HM13: variants seen among roughly 807,000 people sequenced by gnomAD.
The protein encoded by HM13 is signal peptide peptidase.
Under a neutral mutation model 50.0 loss-of-function variants are expected in HM13, and 18 were observed. That is an observed-to-expected ratio of 0.36 (90% CI 0.25 to 0.53). The LOEUF (loss-of-function observed/expected upper bound fraction) is 0.53, where lower values mean the gene tolerates loss of function less well. Ranked by LOEUF, HM13 falls within the 20% of genes least tolerant of loss-of-function variation. HM13 has a pLI of 0.90. For missense variants in HM13, 393 were observed against 552.4 expected, an observed-to-expected ratio of 0.71 and a Z score of 2.89; for synonymous variants, 197 against 232.6, an observed-to-expected ratio of 0.85 and a Z score of 1.39.
intron 3 of HM13, chr20:31,539,473 C>G (rs1480790446): frequency 1.0e-6 from 1 of 985,352 alleles, no homozygotes; most frequent in Non-Finnish European, 1.2e-6. Context: ...ACATTGAGGG[C>G]ATGGGCAGAA....
At chr20:31,556,095 G>T (rs371962933) in intron 8 of HM13, among the ~76,000 whole-genome samples, 70 of 149,366 alleles carry the variant, frequency 4.7e-4, no homozygotes, top group African/African-American at 1.7e-3. Context: ...GCAATAACGC[G>T]ATCTCGGCTC....
In HM13 at chr20:31,515,605, G is replaced by T. The variant is rs548551744; in HGVS notation, c.183+871G>T. 9.9e-5 allele frequency among the ~76,000 whole-genome samples: 15 copies of T among 151,830 alleles called. No homozygotes were observed. In the South Asian group the frequency reaches 3.1e-3, roughly 32 times the overall value. ...CCCACCAAACTGGGCCTGTCTGCTG[G>T]GCCACTGTTGGCCCCTCTTGTGAGA... On this transcript the variant is annotated intron_variant, in intron 1 of 12. Coordinates refer to ENST00000398174, the MANE Select transcript of HM13 (RefSeq NM_178581.3).
intron 7 of HM13, 60 bp downstream of exon 7, chr20:31,550,181 A>G (rs1334732121): frequency 3.1e-6 from 4 of 1,273,918 alleles, no homozygotes; most frequent in Non-Finnish European, 4.6e-6. Context: ...CCATGCCCCC[A>G]CAGCCCGTTT....
intron 4 of HM13, among the ~76,000 whole-genome samples, chr20:31,546,677 C>T (rs1983739240): frequency 6.6e-6 from 1 of 151,658 alleles, no homozygotes; most frequent in African/African-American, 2.4e-5. Flanking sequence ...TCGCTTTAAC[C>T]TGGGAAGGCG....
chr20:31,567,855 G>A (rs1985011264), intron 11 of HM13: 1 of 531,452 alleles, frequency 1.9e-6, no homozygotes, highest in South Asian at 2.8e-5. Context: ...TCTAGAGCAT[G>A]CTTGTTCTTC....
In HM13 at chr20:31,565,501, G is replaced by T. The variant is rs1275161139; in HGVS notation, c.949-709G>T. Among the ~76,000 whole-genome samples, 3 of 123,272 alleles carry T rather than the reference G, an allele frequency of 2.4e-5. 1 individual carries two copies. In the South Asian group the frequency reaches 6.8e-4, roughly 28 times the overall value. The allele number at this position is 123,272 out of a possible 152,430, so 80.9% of individuals were successfully genotyped here. ...TGTCTCAAAAAAAAAAAAAAAAAAA[G>T]ATTTGGGTCTCTGAGTCCTGGGCTA... On this transcript the variant is annotated intron_variant, in intron 10 of 12. Transcript: ENST00000398174.
Position 31,552,558 on chromosome 20 carries a change from G to A in HM13, c.725-2188G>A, listed in dbSNP as rs112497610. On this transcript the variant is annotated intron_variant, in intron 7 of 12. Transcript: ENST00000398174. ...GAAGACCCACTGCCTTCTACTGCTA[G>A]GACTAGTGCTCAGTGGCAGAAAGGC... Among the ~76,000 whole-genome samples, 386 of 152,282 alleles carry A rather than the reference G, an allele frequency of 2.5e-3. 2 individuals are homozygous for A. The highest frequency in any genetic ancestry group is 9.0e-3 in the African/African-American group (373 of 41,552).
chr20:31,538,715 C>A, intron 3 of HM13: 1 of 899,020 alleles, frequency 1.1e-6, no homozygotes, highest in Non-Finnish European at 1.4e-6. Flanking sequence ...TACTTTGAGT[C>A]CAGACTCTGC....
At chr20:31,567,928 A>G (rs1291462529) in intron 11 of HM13, 150 bp from the exon 12 acceptor site, 8 of 673,154 alleles carry the variant, frequency 1.2e-5, no homozygotes, top group African/African-American at 1.8e-5. Flanking sequence ...TCCAAATAAT[A>G]TCAGCTTCTT....
intron 1 of HM13, among the ~76,000 whole-genome samples, chr20:31,517,747 C>T (rs1489923006): frequency 2.6e-5 from 4 of 151,790 alleles, no homozygotes; most frequent in Non-Finnish European, 4.4e-5. Context: ...TCAGGAAGCC[C>T]GTGGCCTTTC....
chr20:31,534,211 C>CA (rs1211744064), intron 2 of HM13, among the ~76,000 whole-genome samples: 2 of 152,126 alleles, frequency 1.3e-5, no homozygotes, highest in Non-Finnish European at 2.9e-5. Flanking sequence ...CACTCGCACA[C>CA]AGCCACAGAA....
chr20:31,517,939 G>T (rs772854207), intron 1 of HM13, among the ~76,000 whole-genome samples: 2 of 151,610 alleles, frequency 1.3e-5, no homozygotes, highest in Non-Finnish European at 2.9e-5. Flanking sequence ...AGTTTTTTCT[G>T]TGTTTACACA....
At chr20:31,523,911 A>C (rs1341586730) in intron 1 of HM13, among the ~76,000 whole-genome samples, 1 of 152,160 alleles carries the variant, frequency 6.6e-6, no homozygotes, top group Non-Finnish European at 1.5e-5. Flanking sequence ...GTGGCTCCAG[A>C]GGGGAGGGTC....
intron 8 of HM13, among the ~76,000 whole-genome samples, chr20:31,556,007 C>CAT (rs891833139): frequency 2.2e-4 from 33 of 149,378 alleles, no homozygotes; most frequent in Non-Finnish European, 3.0e-4. Context: ...ATTGTGAGAC[C>CAT]ATATATATAT....
rs1984903913 is a variant in HM13, at chr20:31,566,273, G to A, written c.1012G>A (p.Gly338Arg). 2 of 1,614,050 alleles carry A rather than the reference G, an allele frequency of 1.2e-6. No homozygotes were observed. Among genetic ancestry groups the A allele is most frequent in the African/African-American group, 1.3e-5 (1 of 75,018 alleles). The stretch of plus-strand genomic sequence containing the variant: ...TCCTGTCCTGGTGGCGCTGGCCAAG[G>A]GAGAAGTGACAGAGATGTTCAGGTA... Reference protein sequence around the residue: ...GFPVLVALAKGEVTEMFSYES... With the variant: ...GFPVLVALAKREVTEMFSYES... The change falls in exon 11 of 13, where the codon GGA (glycine) becomes AGA (arginine). Residue 338 changes from glycine (G) to arginine (R), a missense_variant. By Grantham distance (125) the Gly-to-Arg change is moderately radical. Transcript: ENST00000398174.
chr20:31,547,517 T>C (rs1428525629), intron 4 of HM13: 3 of 755,566 alleles, frequency 4.0e-6, no homozygotes, highest in South Asian at 1.6e-5. Flanking sequence ...TTCAAGAAGT[T>C]TGATGAAAAG....
intron 11 of HM13, chr20:31,567,826 C>G (rs185372666): frequency 6.9e-5 from 31 of 448,954 alleles, no homozygotes; most frequent in African/African-American, 6.0e-4. Flanking sequence ...AGAGGTGTTT[C>G]CACAGCAGCA....
At chr20:31,553,596 C>T (rs6141491) in intron 7 of HM13, among the ~76,000 whole-genome samples, 1 of 152,036 alleles carries the variant, frequency 6.6e-6, no homozygotes, top group Non-Finnish European at 1.5e-5. Flanking sequence ...GGATTCAGAC[C>T]TACAGACCCA....
rs185159820 is a variant in HM13 at position 31,526,409 on chromosome 20, G to A, written c.184-1075G>A. Among the ~76,000 whole-genome samples, 745 of 151,976 alleles carry A rather than the reference G, an allele frequency of 4.9e-3. 7 individuals carry two copies. The highest frequency in any genetic ancestry group is 0.017 in the African/African-American group (706 of 41,458). On this transcript the variant is annotated intron_variant, in intron 1 of 12. Transcript: ENST00000398174. ...CCTGACCTTGTGATCCACCCGCCTC[G>A]GCCTCCCAAAGTGCTGGGATTACAG...
Sources: allele counts gnomAD v4.1 joint callset (sites outside exome capture counted in the v4.1 genomes callset), GRCh38; gene constraint gnomAD v4.1.1; transcripts MANE v1.5; gene names NCBI Gene and HGNC (gene_info 2026-07-23, HGNC 2026-07-21).